The following ARHGEF7 variants were observed in gnomAD, a reference collection of about 807,000 sequenced individuals.
ARHGEF7 encodes the protein PAK-interacting exchange factor beta.
ARHGEF7 carries 33 observed loss-of-function variants against 109.8 expected under a neutral mutation model. That is an observed-to-expected ratio of 0.30 (90% CI 0.23 to 0.40). The LOEUF (loss-of-function observed/expected upper bound fraction) is 0.40, where lower values mean the gene tolerates loss of function less well. ARHGEF7 is among the 10% of genes least tolerant of loss of function. The probability of loss-of-function intolerance (pLI) is 1.00; values close to 1 mark genes in which losing one functional copy is unlikely to be tolerated. For missense variants in ARHGEF7, 938 were observed against 1,098.5 expected, an observed-to-expected ratio of 0.85 and a Z score of 2.07; for synonymous variants, 458 against 424.6, an observed-to-expected ratio of 1.08 and a Z score of -0.97.
chr13:111,232,952 T>G (rs952914760), intron 5 of ARHGEF7, among the ~76,000 whole-genome samples: 6 of 152,226 alleles, frequency 3.9e-5, no homozygotes, highest in Non-Finnish European at 5.9e-5. Context: ...GAGCAGTCTC[T>G]TAGACGCCTT....
intron 2 of ARHGEF7, among the ~76,000 whole-genome samples, chr13:111,192,007 T>C (rs1297077718): frequency 6.6e-6 from 1 of 152,216 alleles, no homozygotes; most frequent in East Asian, 1.9e-4. Context: ...TTAAAGATTA[T>C]GTAGGTTTTC....
intron 2 of ARHGEF7, among the ~76,000 whole-genome samples, chr13:111,194,706 C>G (rs944825008): frequency 6.6e-6 from 1 of 152,218 alleles, no homozygotes. Flanking sequence ...AGTGCCTGGA[C>G]TTGAGAAGTG....
chr13:111,176,986 A>AT (rs2078228680), intron 2 of ARHGEF7, among the ~76,000 whole-genome samples: 1 of 152,208 alleles, frequency 6.6e-6, no homozygotes, highest in African/African-American at 2.4e-5. Flanking sequence ...TGAACTCCTG[A>AT]CCACAGGTGA....
chr13:111,197,479 G>A (rs2080669645), intron 2 of ARHGEF7, among the ~76,000 whole-genome samples: 1 of 152,192 alleles, frequency 6.6e-6, no homozygotes, highest in Non-Finnish European at 1.5e-5. Flanking sequence ...TTGAAAACCT[G>A]TTAAGAGTCC....
intron 6 of ARHGEF7, among the ~76,000 whole-genome samples, chr13:111,240,981 G>A (rs1349976449): frequency 6.6e-6 from 1 of 152,116 alleles, no homozygotes; most frequent in Admixed American, 6.5e-5. Context: ...GAAATGCTAA[G>A]TACTCCTTTA....
chr13:111,287,430 G>A (rs1013669281), intron 17 of ARHGEF7, among the ~76,000 whole-genome samples: 5 of 152,238 alleles, frequency 3.3e-5, no homozygotes, highest in Admixed American at 6.5e-5. Context: ...GTTCATGGAC[G>A]CGTGCTTCAT....
At chr13:111,126,396 G>A (rs554037693) in intron 1 of ARHGEF7, among the ~76,000 whole-genome samples, 15 of 151,934 alleles carry the variant, frequency 9.9e-5, no homozygotes, top group Non-Finnish European at 1.9e-4. Context: ...AGGCTGAGAC[G>A]GGAGAATCAC....
chr13:111,139,609 G>A (rs2075256027), intron 1 of ARHGEF7, among the ~76,000 whole-genome samples: 1 of 151,766 alleles, frequency 6.6e-6, no homozygotes, highest in African/African-American at 2.4e-5. Context: ...GAGCACTGGC[G>A]GGTGCCTGCG....
intron 19 of ARHGEF7, among the ~76,000 whole-genome samples, chr13:111,296,108 C>A (rs2093422095): frequency 6.6e-6 from 1 of 152,132 alleles, no homozygotes; most frequent in South Asian, 2.1e-4. Flanking sequence ...TGGTCGCGAG[C>A]TGGCACTCGG....
chr13:111,284,130 C>A, intron 16 of ARHGEF7, among the ~76,000 whole-genome samples: 1 of 152,048 alleles, frequency 6.6e-6, no homozygotes, highest in South Asian at 2.1e-4. Flanking sequence ...TGAGGAGTGG[C>A]GGTGAGAGTG....
At chr13:111,189,219 G>A (rs981381144) in intron 2 of ARHGEF7, among the ~76,000 whole-genome samples, 24 of 152,308 alleles carry the variant, frequency 1.6e-4, no homozygotes, top group African/African-American at 4.3e-4. Flanking sequence ...TATTTTGTCC[G>A]GAATTGGTTC....
chr13:111,269,208 C>T (rs147875199), intron 9 of ARHGEF7, among the ~76,000 whole-genome samples: 189 of 152,232 alleles, frequency 1.2e-3, no homozygotes, highest in Non-Finnish European at 6.3e-4. Context: ...TCTAGTTATG[C>T]GCTATGCCCC....
At chr13:111,274,376 T>C (rs2092356639) in intron 10 of ARHGEF7, among the ~76,000 whole-genome samples, 2 of 152,212 alleles carry the variant, frequency 1.3e-5, no homozygotes, top group South Asian at 2.1e-4. Context: ...TTGGCTTGAG[T>C]TGGCAAACCT....
intron 8 of ARHGEF7, among the ~76,000 whole-genome samples, chr13:111,246,025 A>G (rs1336963459): frequency 1.3e-5 from 2 of 152,216 alleles, no homozygotes; most frequent in African/African-American, 4.8e-5. Context: ...TCACTTTTCC[A>G]AAATTTTCCT....
rs980182131 is a variant in ARHGEF7, at chr13:111,255,976, C to T, written c.951-11572C>T. Among the ~76,000 whole-genome samples, 2 of 152,116 alleles carry T rather than the reference C, an allele frequency of 1.3e-5. No homozygotes were observed. Among genetic ancestry groups the T allele is most frequent in the African/African-American group, 4.8e-5 (2 of 41,426 alleles). ...TAATGAATTGGTATGATATTTCATT[C>T]GTTGTCTGGATCTTTTTAATGTCGA... On this transcript the variant is annotated intron_variant, in intron 8 of 21. Transcript: ENST00000646102. The surrounding 1 kb of genome is among the most constrained non-coding windows in gnomAD (Gnocchi z 4.1).
At chr13:111,268,853 A>AT (rs2091897082) in intron 9 of ARHGEF7, among the ~76,000 whole-genome samples, 1 of 152,102 alleles carries the variant, frequency 6.6e-6, no homozygotes, top group South Asian at 2.1e-4. Context: ...TTGTTTCTTC[A>AT]TTTTTTAATT....
In ARHGEF7 at chr13:111,115,650, T is replaced by G; in HGVS notation, c.124T>G (p.Cys42Gly). 7.4e-7 allele frequency: 1 copy of G among 1,348,858 alleles called. No homozygotes were observed. Among genetic ancestry groups the G allele is most frequent in the Non-Finnish European group, 9.6e-7 (1 of 1,038,762 alleles). 83.6% of individuals were successfully genotyped at this position (1,348,858 alleles called of 1,614,324 possible). ...QASLKDGVVL[C>G]RLLERLLPGT... is the part of the protein sequence containing the mutation. ...GTCGCTGAAGGATGGGGTGGTCCTC[T>G]GCAGGCTGCTGGAGCGCCTGCTCCC... The change falls in exon 1 of 22, where the codon TGC (cysteine) becomes GGC (glycine). Residue 42 changes from cysteine (C) to glycine (G), a missense_variant. This residue lies in a region of ARHGEF7 where 165 missense variants were observed against 125.8 expected (regional missense o/e 1.31). Coordinates refer to ENST00000646102, the MANE Select transcript of ARHGEF7 (RefSeq NM_001354046.2).
rs2066661040 is a variant in ARHGEF7, at chr13:111,115,363, G to A, written c.-164G>A. On this transcript the variant is annotated 5_prime_UTR_variant, in exon 1 of 22. Coordinates refer to ENST00000646102, the MANE Select transcript of ARHGEF7 (RefSeq NM_001354046.2). ...CGCCTGACAGCGGGCCGGGGCGCACGGAGAAGCGGGCCGGGCCGGACCTGC... is the reference window on the plus strand; with the variant it reads ...CGCCTGACAGCGGGCCGGGGCGCACAGAGAAGCGGGCCGGGCCGGACCTGC... 3.2e-6 allele frequency: 1 copy of A among 308,790 alleles called. No individual in the cohort carries two copies. Among genetic ancestry groups the A allele is most frequent in the Non-Finnish European group, 4.7e-6 (1 of 214,494 alleles). 19.1% of individuals were successfully genotyped at this position (308,790 alleles called of 1,614,324 possible).
At chr13:111,140,651 C>T (rs140007587) in intron 1 of ARHGEF7, among the ~76,000 whole-genome samples, 24 of 152,220 alleles carry the variant, frequency 1.6e-4, no homozygotes, top group Non-Finnish European at 2.6e-4. Flanking sequence ...CTTGGCCATT[C>T]GAAGGACTTG....
Sources: allele counts gnomAD v4.1 joint callset (sites outside exome capture counted in the v4.1 genomes callset), GRCh38; gene constraint gnomAD v4.1.1; regional missense constraint gnomAD v4.1.1; non-coding constraint Gnocchi (gnomAD v3.1); transcripts MANE v1.5; gene names NCBI Gene and HGNC (gene_info 2026-07-23, HGNC 2026-07-21).